The following TIMD4 variants were observed in gnomAD, a reference collection of about 807,000 sequenced individuals.
TIMD4 encodes the protein T cell immunoglobulin and mucin domain containing 4, also known as T-cell immunoglobulin and mucin domain-containing protein 4.
In TIMD4, 31 loss-of-function variants were observed where a neutral mutation model predicts 41.2. The observed-to-expected ratio is 0.75, with a 90% CI of 0.57 to 1.01. TIMD4 has a LOEUF of 1.01. Among genes scored for constraint, TIMD4 ranks in the 50% least tolerant of loss-of-function variants. The probability of loss-of-function intolerance (pLI) is 0.00; values close to 1 mark genes in which losing one functional copy is unlikely to be tolerated. For missense variants in TIMD4, 479 were observed against 472.5 expected, an observed-to-expected ratio of 1.01 and a Z score of -0.13; for synonymous variants, 204 against 177.1, an observed-to-expected ratio of 1.15 and a Z score of -1.21.
chr5:156,922,675 T>G (rs1759265930), intron 6 of TIMD4, among the ~76,000 whole-genome samples: 1 of 152,238 alleles, frequency 6.6e-6, no homozygotes, highest in Non-Finnish European at 1.5e-5. Context: ...ATGAGACATT[T>G]TTTGCCATTT....
At chr5:156,954,986 T>C (rs57417199) in intron 1 of TIMD4, among the ~76,000 whole-genome samples, 5,272 of 152,034 alleles carry the variant, frequency 0.035, 232 homozygotes, top group African/African-American at 0.1. Flanking sequence ...CAATCCATCC[T>C]CCCACCTCAG....
At chr5:156,926,205 C>T (rs1476819397) in intron 6 of TIMD4, 58 bp downstream of exon 6, 1 of 1,587,680 alleles carries the variant, frequency 6.3e-7, no homozygotes, top group East Asian at 2.3e-5. Context: ...TGCCTGGCCA[C>T]TACTGTGGAT....
intron 8 of TIMD4, 129 bp downstream of exon 8, chr5:156,920,335 A>T: frequency 9.5e-7 from 1 of 1,049,310 alleles, no homozygotes; most frequent in Non-Finnish European, 1.4e-6. Context: ...TTCACTTCTA[A>T]TGTCACATCT....
chr5:156,947,446 A>C lies in TIMD4; in HGVS notation c.844+970T>G, dbSNP rs962404420. 4.6e-5 allele frequency among the ~76,000 whole-genome samples: 7 copies of C among 152,216 alleles called. No individual in the cohort carries two copies. In the East Asian group the frequency reaches 1.2e-3, roughly 25 times the overall value. ...TTACTTTTTGGTCACCATCCTAACT[A>C]CAGAAACACTTGCATGAATGGTTAG... On this transcript the variant is annotated intron_variant, in intron 5 of 8. Coordinates refer to ENST00000274532, the MANE Select transcript of TIMD4 (RefSeq NM_138379.3).
intron 5 of TIMD4, among the ~76,000 whole-genome samples, chr5:156,931,723 T>G (rs578005860): frequency 6.6e-6 from 1 of 152,348 alleles, no homozygotes; most frequent in Non-Finnish European, 1.5e-5. Context: ...CTGTAACACT[T>G]AACCTTAGAT....
At chr5:156,931,269 T>G (rs1759440339) in intron 5 of TIMD4, among the ~76,000 whole-genome samples, 1 of 152,214 alleles carries the variant, frequency 6.6e-6, no homozygotes, top group Non-Finnish European at 1.5e-5. Context: ...AATTTGTGTG[T>G]TAAGCCAGTA....
chr5:156,946,725 T>C (rs1581626417), intron 5 of TIMD4, among the ~76,000 whole-genome samples: 1 of 151,488 alleles, frequency 6.6e-6, no homozygotes, highest in Non-Finnish European at 1.5e-5. Context: ...GACCTCGTGA[T>C]CCGCCTGCCT....
At chr5:156,925,106 G>A (rs960281899) in intron 6 of TIMD4, among the ~76,000 whole-genome samples, 9 of 152,176 alleles carry the variant, frequency 5.9e-5, no homozygotes, top group African/African-American at 2.2e-4. Context: ...GCTAGGAACT[G>A]AAGACCAGCC....
intron 5 of TIMD4, among the ~76,000 whole-genome samples, chr5:156,941,679 A>G (rs1310323371): frequency 1.3e-5 from 2 of 152,170 alleles, no homozygotes; most frequent in African/African-American, 4.8e-5. Context: ...CTCAAAGCAG[A>G]GCTCACTAAA....
chr5:156,960,010 T>C (rs1330453616), intron 1 of TIMD4, among the ~76,000 whole-genome samples: 5 of 151,452 alleles, frequency 3.3e-5, no homozygotes, highest in Non-Finnish European at 4.4e-5. Context: ...ACCATTGCAC[T>C]CCAGCCTGGG....
intron 1 of TIMD4, among the ~76,000 whole-genome samples, chr5:156,960,554 A>G (rs2113401175): frequency 6.6e-6 from 1 of 151,968 alleles, no homozygotes; most frequent in East Asian, 1.9e-4. Context: ...TTACAGGCAC[A>G]TGTCACCACG....
intron 2 of TIMD4, 108 bp downstream of exon 2, chr5:156,954,307 A>T (rs1323607552): frequency 8.6e-6 from 9 of 1,051,214 alleles, no homozygotes; most frequent in Non-Finnish European, 1.2e-5. Flanking sequence ...CAATCTTCCC[A>T]CTCACTGTGA....
intron 5 of TIMD4, among the ~76,000 whole-genome samples, chr5:156,942,150 G>A (rs1451747294): frequency 2.0e-5 from 3 of 152,170 alleles, no homozygotes; most frequent in Non-Finnish European, 4.4e-5. Flanking sequence ...GTGTTTTTCA[G>A]TGCATTCAAC....
At chr5:156,958,964 A>G (rs1401452935) in intron 1 of TIMD4, among the ~76,000 whole-genome samples, 2 of 151,544 alleles carry the variant, frequency 1.3e-5, no homozygotes, top group East Asian at 3.8e-4. Context: ...TTCTTGTAAA[A>G]TAAATAAATA....
intron 5 of TIMD4, among the ~76,000 whole-genome samples, chr5:156,931,618 G>C (rs1759445699): frequency 6.6e-6 from 1 of 152,208 alleles, no homozygotes; most frequent in Non-Finnish European, 1.5e-5. Flanking sequence ...TTGGCAGCTA[G>C]AATTCTTACT....
At chr5:156,931,533 C>T (rs866739069) in intron 5 of TIMD4, among the ~76,000 whole-genome samples, 2 of 152,216 alleles carry the variant, frequency 1.3e-5, no homozygotes, top group Admixed American at 1.3e-4. Flanking sequence ...CATGGATTCA[C>T]CAAACCTTCT....
intron 1 of TIMD4, among the ~76,000 whole-genome samples, chr5:156,956,449 C>G (rs1759971785): frequency 6.6e-6 from 1 of 152,192 alleles, no homozygotes; most frequent in Non-Finnish European, 1.5e-5. Flanking sequence ...TTAGCATGAC[C>G]TAGGGAGCTT....
At chr5:156,948,698 G>A (rs1393497704) in intron 4 of TIMD4, among the ~76,000 whole-genome samples, 199 bp from the exon 5 acceptor site, 1 of 152,188 alleles carries the variant, frequency 6.6e-6, no homozygotes, top group African/African-American at 2.4e-5. Context: ...CACAGGATAG[G>A]TGTTATTCCC....
chr5:156,949,433 TC>T (rs1759810369), intron 4 of TIMD4, among the ~76,000 whole-genome samples: 1 of 151,114 alleles, frequency 6.6e-6, no homozygotes, highest in South Asian at 2.1e-4. Flanking sequence ...CTCCTCCTCC[TC>T]CTCCTCCTCC....
Sources: gnomAD v4.1 joint callset for allele counts (sites outside exome capture counted in the v4.1 genomes callset) on GRCh38, gnomAD v4.1.1 for gene constraint, MANE v1.5 for transcripts, NCBI Gene and HGNC (gene_info 2026-07-23, HGNC 2026-07-21) for gene names.